The following XKR9 variants were observed in gnomAD, a reference collection of about 807,000 sequenced individuals.
XKR9 encodes the protein XK-related protein 9.
In XKR9, 32 loss-of-function variants were observed where a neutral mutation model predicts 32.0. That is an observed-to-expected ratio of 1.00 (90% CI 0.76 to 1.34). The LOEUF is 1.34. XKR9 is among the 40% of genes most tolerant of loss of function. The probability of loss-of-function intolerance (pLI) is 0.00; values close to 1 mark genes in which losing one functional copy is unlikely to be tolerated. For missense variants in XKR9, 546 were observed against 429.7 expected (o/e 1.27, Z -2.39); for synonymous variants, 168 against 143.4 (o/e 1.17, Z -1.22).
chr8:70,741,344 C>G (rs1218180575), intron 2 of XKR9, among the ~76,000 whole-genome samples: 3 of 152,204 alleles, frequency 2.0e-5, no homozygotes, highest in African/African-American at 7.2e-5. Flanking sequence ...TATGATAGAG[C>G]AAAGAGGCCC....
chr8:70,701,171 C>T lies in XKR9; in HGVS notation c.273-5762C>T, dbSNP rs985408241. Among the ~76,000 whole-genome samples, 6 of 152,212 alleles carry T rather than the reference C, an allele frequency of 3.9e-5. 1 individual carries two copies. The highest frequency in any genetic ancestry group is 2.1e-4 in the South Asian group (1 of 4,834). On this transcript the variant is annotated intron_variant, in intron 3 of 4. Coordinates refer to ENST00000408926, the MANE Select transcript of XKR9 (RefSeq NM_001011720.2). ...GGCAATGCCTCGCCCTGCTTCGGCTCGTGCACAGTGTGCTGCACTCACTGT... is the reference window on the plus strand; with the variant it reads ...GGCAATGCCTCGCCCTGCTTCGGCTTGTGCACAGTGTGCTGCACTCACTGT...
intron 4 of XKR9, among the ~76,000 whole-genome samples, chr8:70,708,240 T>C (rs1362347395): frequency 6.6e-6 from 1 of 152,080 alleles, no homozygotes; most frequent in Non-Finnish European, 1.5e-5. Context: ...CTGTATTACA[T>C]AGTTCTGAAA....
the XKR9 span, among the ~76,000 whole-genome samples, chr8:70,809,855 G>T: frequency 6.6e-6 from 1 of 152,320 alleles, no homozygotes; most frequent in South Asian, 2.1e-4. Context: ...AACCAAGTTG[G>T]AAAACACTCT....
chr8:70,755,273 G>C (rs1304223279), intron 2 of XKR9, among the ~76,000 whole-genome samples: 1 of 152,158 alleles, frequency 6.6e-6, no homozygotes, highest in Admixed American at 6.5e-5. Context: ...GTGCTGGAGA[G>C]GATGTGGAGA....
the XKR9 span, among the ~76,000 whole-genome samples, chr8:71,011,183 C>G: frequency 6.6e-6 from 1 of 152,044 alleles, no homozygotes; most frequent in East Asian, 1.9e-4. Context: ...TGCACTTAGA[C>G]GAGCAAAATA....
chr8:70,765,138 T>C (rs1807357836), intron 2 of XKR9, among the ~76,000 whole-genome samples: 2 of 152,210 alleles, frequency 1.3e-5, no homozygotes, highest in Non-Finnish European at 2.9e-5. Context: ...AAATGATATT[T>C]CTGGTTCTAG....
At chr8:70,980,034 A>G in the XKR9 span, among the ~76,000 whole-genome samples, 1 of 152,340 alleles carries the variant, frequency 6.6e-6, no homozygotes, top group Non-Finnish European at 1.5e-5. Context: ...GCTAGCAGTG[A>G]GCAAGGCTCC....
Position 70,732,640 on chromosome 8 carries a change from C to T in XKR9, c.494-1156C>T, listed in dbSNP as rs1021758151. On this transcript the variant is annotated intron_variant, in intron 4 of 4. Transcript: ENST00000408926. Reference sequence around the variant, plus strand: ...AGAGAAAGAGTAATTTATGCAGAGCCTTCTGTGCAGGAGACTGGAGTTTTT... The same window carrying T: ...AGAGAAAGAGTAATTTATGCAGAGCTTTCTGTGCAGGAGACTGGAGTTTTT... Among the ~76,000 whole-genome samples the T allele has an allele frequency of 2.0e-5, 3 of 152,320 alleles. No individual in the cohort carries two copies. The East Asian group carries it at 5.8e-4, about 29-fold the overall frequency.
At chr8:70,743,486 T>C (rs1428114094) in intron 2 of XKR9, among the ~76,000 whole-genome samples, 2 of 152,188 alleles carry the variant, frequency 1.3e-5, no homozygotes, top group African/African-American at 4.8e-5. Context: ...GTATGAATGA[T>C]ACATTTTAGA....
the XKR9 span, among the ~76,000 whole-genome samples, chr8:70,922,124 A>G: frequency 6.6e-6 from 1 of 152,126 alleles, no homozygotes; most frequent in East Asian, 1.9e-4. Flanking sequence ...CACCTCCTCT[A>G]CCCTCTGTAT....
chr8:70,783,053 C>T (rs1056369323), intron 2 of XKR9, among the ~76,000 whole-genome samples: 4 of 152,088 alleles, frequency 2.6e-5, no homozygotes, highest in Non-Finnish European at 4.4e-5. Flanking sequence ...GAAGGTTGAA[C>T]CACCAAGGGT....
chr8:71,044,045 A>G, the XKR9 span, among the ~76,000 whole-genome samples: 32 of 152,190 alleles, frequency 2.1e-4, no homozygotes, highest in African/African-American at 7.5e-4. Context: ...AGTTGGAAGG[A>G]TTCATTAAAA....
chr8:70,703,857 C>G (rs1252850520), intron 3 of XKR9, among the ~76,000 whole-genome samples: 1 of 151,666 alleles, frequency 6.6e-6, no homozygotes, highest in Non-Finnish European at 1.5e-5. Context: ...CTCTGTTTTT[C>G]TTTTTTTTGG....
At chr8:71,032,308 A>AG in the XKR9 span, among the ~76,000 whole-genome samples, 1 of 141,128 alleles carries the variant, frequency 7.1e-6, no homozygotes, top group African/African-American at 2.6e-5. Context: ...AAAAAAAAAA[A>AG]CCACTTTGGA....
chr8:70,964,416 T>A, the XKR9 span, among the ~76,000 whole-genome samples: 1 of 152,210 alleles, frequency 6.6e-6, no homozygotes, highest in Non-Finnish European at 1.5e-5. Context: ...TCCAGCTTTG[T>A]TCTTTTTGCT....
the XKR9 span, among the ~76,000 whole-genome samples, chr8:70,995,653 TC>T: frequency 6.6e-6 from 1 of 152,210 alleles, no homozygotes; most frequent in Non-Finnish European, 1.5e-5. Flanking sequence ...AACTCTTTGT[TC>T]TTTGAATATG....
intron 2 of XKR9, among the ~76,000 whole-genome samples, chr8:70,764,853 G>A (rs1249500704): frequency 6.6e-6 from 1 of 152,098 alleles, no homozygotes; most frequent in Non-Finnish European, 1.5e-5. Context: ...TTGGTTTTCT[G>A]TTCCTGTGTT....
chr8:70,959,144 T>G, the XKR9 span, among the ~76,000 whole-genome samples: 1 of 152,166 alleles, frequency 6.6e-6, no homozygotes, highest in Admixed American at 6.5e-5. Flanking sequence ...TAATCTCTGT[T>G]GATAGTTTTA....
the XKR9 span, among the ~76,000 whole-genome samples, chr8:71,042,736 A>G: frequency 6.6e-6 from 1 of 152,274 alleles, no homozygotes; most frequent in East Asian, 1.9e-4. Flanking sequence ...TGTGGACCAC[A>G]CTAAAAGTGA....
Sources: gnomAD v4.1 joint callset for allele counts (sites outside exome capture counted in the v4.1 genomes callset) on GRCh38, gnomAD v4.1.1 for gene constraint, MANE v1.5 for transcripts, NCBI Gene and HGNC (gene_info 2026-07-23, HGNC 2026-07-21) for gene names.